KLHL29: variants seen among roughly 807,000 people sequenced by gnomAD.
KLHL29 encodes the protein kelch like family member 29, also known as kelch-like protein 29.
In KLHL29, 21 loss-of-function variants were observed where a neutral mutation model predicts 80.4. The ratio of observed to expected loss-of-function variants is 0.26; its 90% CI spans 0.19 to 0.38. The LOEUF (loss-of-function observed/expected upper bound fraction) is 0.38, where lower values mean the gene tolerates loss of function less well. Ranked by LOEUF, KLHL29 falls within the 10% of genes least tolerant of loss-of-function variation. The pLI is 1.00. For missense variants in KLHL29, 867 were observed against 1,223.9 expected (o/e 0.71, Z 4.35); for synonymous variants, 511 against 526.8 (o/e 0.97, Z 0.41).
intron 2 of KLHL29, among the ~76,000 whole-genome samples, chr2:23,525,807 C>T (rs1168772665): frequency 6.7e-6 from 1 of 148,510 alleles, no homozygotes; most frequent in African/African-American, 2.5e-5. Context: ...GCGCAGGACG[C>T]CCAGTTGCCT....
At position 23,688,899 on chromosome 2, in the gene KLHL29, C is replaced by G. The variant is rs572251822; in HGVS notation, c.1080-2775C>G. On this transcript the variant is annotated intron_variant, in intron 6 of 13. Transcript: ENST00000486442. ...CTGTGGAGGACGCAGCCCTCGTCAG[C>G]GACCAGGGTCACCCATCACGGGGGT... is the stretch of plus-strand genomic sequence containing the variant. The G allele has an allele frequency of 2.0e-5, 3 of 152,526 alleles. No homozygotes were observed. In the East Asian group the frequency reaches 5.8e-4, roughly 30 times the overall value. 9.4% of individuals were successfully genotyped at this position (152,526 alleles called of 1,614,324 possible).
intron 2 of KLHL29, among the ~76,000 whole-genome samples, chr2:23,498,074 G>C (rs1665322217): frequency 6.6e-6 from 1 of 152,142 alleles, no homozygotes; most frequent in African/African-American, 2.4e-5. Flanking sequence ...ATCTCACCTA[G>C]TTACCCTTTT....
intron 1 of KLHL29, among the ~76,000 whole-genome samples, chr2:23,391,729 G>A (rs369061268): frequency 2.0e-4 from 31 of 152,180 alleles, no homozygotes; most frequent in African/African-American, 5.8e-4. Context: ...ATTAGCCACC[G>A]CGCCCAGCCC....
At chr2:23,541,888 G>T (rs896959544) in intron 2 of KLHL29, among the ~76,000 whole-genome samples, 3 of 152,156 alleles carry the variant, frequency 2.0e-5, no homozygotes, top group Non-Finnish European at 4.4e-5. Flanking sequence ...GGAAACAGTA[G>T]GTGTGTCTTC....
intron 6 of KLHL29, among the ~76,000 whole-genome samples, chr2:23,687,893 T>TAC (rs1671344898): frequency 6.6e-6 from 1 of 152,054 alleles, no homozygotes; most frequent in Non-Finnish European, 1.5e-5. Context: ...GATGTGTGTT[T>TAC]TGTAAAGATG....
intron 1 of KLHL29, among the ~76,000 whole-genome samples, chr2:23,414,132 C>G (rs989484206): frequency 6.6e-6 from 1 of 152,198 alleles, no homozygotes; most frequent in African/African-American, 2.4e-5. Context: ...AAGAAAGAGG[C>G]TGAGGAGGGA....
intron 3 of KLHL29, among the ~76,000 whole-genome samples, chr2:23,607,432 C>G (rs1668755347): frequency 6.6e-6 from 1 of 152,208 alleles, no homozygotes. Context: ...AAAGGCTGCC[C>G]AGGAGAACCA....
chr2:23,658,894 A>G (rs1670322567), intron 5 of KLHL29, among the ~76,000 whole-genome samples: 1 of 152,166 alleles, frequency 6.6e-6, no homozygotes. Context: ...TATCTGTGAC[A>G]TCCCGGTTTT....
chr2:23,433,742 C>T (rs11884091), intron 1 of KLHL29, among the ~76,000 whole-genome samples: 66,989 of 151,662 alleles, frequency 0.44, 15,493 homozygotes, highest in African/African-American at 0.59. Context: ...AATGAGACTC[C>T]CATCTCTACG....
chr2:23,685,705 C>T (rs924561027), intron 6 of KLHL29, among the ~76,000 whole-genome samples: 4 of 152,228 alleles, frequency 2.6e-5, no homozygotes, highest in Admixed American at 6.5e-5. Flanking sequence ...CTCCTGCCCC[C>T]GGTGCTTGGG....
chr2:23,446,786 T>C (rs1179618211), intron 1 of KLHL29, among the ~76,000 whole-genome samples: 1 of 152,228 alleles, frequency 6.6e-6, no homozygotes, highest in Non-Finnish European at 1.5e-5. Flanking sequence ...TTTTAAATTA[T>C]GTGCATCTTT....
intron 2 of KLHL29, chr2:23,523,841 A>G (rs985089562): frequency 2.8e-6 from 1 of 357,800 alleles, no homozygotes; most frequent in African/African-American, 2.1e-5. Context: ...ACTCATTTCA[A>G]CAAGCTTCTC....
At chr2:23,557,877 G>A (rs373264347) in intron 2 of KLHL29, among the ~76,000 whole-genome samples, 7 of 152,188 alleles carry the variant, frequency 4.6e-5, no homozygotes, top group Admixed American at 4.6e-4. Flanking sequence ...GCTGTGCTTA[G>A]GTAACACATA....
At position 23,472,930 on chromosome 2, in the gene KLHL29, T is replaced by G. The variant is rs561714715; in HGVS notation, c.-153-2630T>G. ...AATAGACATATTCAAATGTGTAATTTGGAGAGAGTTAAGTAAAATGACTAT... is the reference window on the plus strand; with the variant it reads ...AATAGACATATTCAAATGTGTAATTGGGAGAGAGTTAAGTAAAATGACTAT... On this transcript the variant is annotated intron_variant, in intron 1 of 13. Transcript: ENST00000486442. Among the ~76,000 whole-genome samples, 3 of 152,282 alleles carry G rather than the reference T, an allele frequency of 2.0e-5. No homozygotes were observed. The South Asian group carries it at 6.2e-4, about 32-fold the overall frequency.
At chr2:23,393,279 T>G (rs1666367198) in intron 1 of KLHL29, among the ~76,000 whole-genome samples, 1 of 152,254 alleles carries the variant, frequency 6.6e-6, no homozygotes, top group Admixed American at 6.5e-5. Flanking sequence ...GGTTTGTCAT[T>G]GTGTGGAATT....
intron 1 of KLHL29, among the ~76,000 whole-genome samples, chr2:23,419,235 T>C (rs1662709536): frequency 6.6e-6 from 1 of 152,260 alleles, no homozygotes; most frequent in South Asian, 2.1e-4. Flanking sequence ...CTGCAGACAC[T>C]GGCCCCGCCC....
intron 5 of KLHL29, among the ~76,000 whole-genome samples, chr2:23,652,210 T>C (rs1670105735): frequency 6.6e-6 from 1 of 152,248 alleles, no homozygotes; most frequent in African/African-American, 2.4e-5. Context: ...GGCTGCTCCC[T>C]CTGCTTTGTT....
At chr2:23,579,050 C>T (rs1308646979) in intron 3 of KLHL29, among the ~76,000 whole-genome samples, 4 of 152,194 alleles carry the variant, frequency 2.6e-5, no homozygotes, top group Admixed American at 2.0e-4. Context: ...CTCCGGCTCC[C>T]GTTCTGTTTG....
chr2:23,695,612 G>C lies in KLHL29; in HGVS notation c.1543-11G>C, dbSNP rs373886443. The C allele has an allele frequency of 9.3e-5, 144 of 1,542,868 alleles. No homozygotes were observed. In the South Asian group the frequency reaches 9.4e-4, roughly 10 times the overall value. ...CTAGTCTAAGAAGATTCTGTCTCCT[G>C]TACCCTGCAGTACGCGGCTGAGCTC... On this transcript the variant is annotated splice_polypyrimidine_tract_variant and intron_variant, in intron 8 of 13. Coordinates refer to ENST00000486442, the MANE Select transcript of KLHL29 (RefSeq NM_052920.2). This position sits in a 1 kb window ranked among gnomAD's most constrained non-coding sequence, Gnocchi z 7.6.
Sources: allele counts gnomAD v4.1 joint callset (sites outside exome capture counted in the v4.1 genomes callset), GRCh38; gene constraint gnomAD v4.1.1; non-coding constraint Gnocchi (gnomAD v3.1); transcripts MANE v1.5; gene names NCBI Gene and HGNC (gene_info 2026-07-23, HGNC 2026-07-21).